Variants in PRDM4 observed in about 807,000 individuals in gnomAD.
The protein encoded by PRDM4 is PR domain zinc finger protein 4.
In PRDM4, 38 loss-of-function variants were observed where a neutral mutation model predicts 62.3. The ratio of observed to expected loss-of-function variants is 0.61; its 90% CI spans 0.47 to 0.80. The LOEUF (loss-of-function observed/expected upper bound fraction) is 0.80. Ranked by LOEUF, PRDM4 falls within the 30% of genes least tolerant of loss-of-function variation. The pLI, the probability that PRDM4 is intolerant of heterozygous loss-of-function variation, is 0.00. For synonymous variants in PRDM4, 339 were observed against 348.2 expected, an observed-to-expected ratio of 0.97 and a Z score of 0.30; for missense variants, 858 against 997.1, an observed-to-expected ratio of 0.86 and a Z score of 1.88.
Position 107,744,617 on chromosome 12 carries a change from G to A in PRDM4, c.1321C>T (p.Pro441Ser). ...ETIPVRTCFG[P>S]LIGQQSHSME... The stretch of plus-strand genomic sequence containing the variant: ...GAGTGACTCTGCTGGCCAATTAGAG[G>A]TCCAAAGCAAGTCCGCACAGGAATG... Residue 441 changes from proline to serine, a missense_variant, in exon 7 of 12, where the codon CCT (proline) becomes TCT (serine). This residue lies in a region of PRDM4 where 4 missense variants were observed against 17.8 expected (regional missense o/e 0.23). Coordinates refer to ENST00000228437, the MANE Select transcript of PRDM4 (RefSeq NM_012406.4). 6.2e-7 allele frequency: 1 copy of A among 1,613,836 alleles called. No individual in the cohort carries two copies. The highest frequency in any genetic ancestry group is 8.5e-7 in the Non-Finnish European group (1 of 1,179,782).
chr12:107,744,575 A>G lies in PRDM4; in HGVS notation c.1363T>C (p.Trp455Arg). The change falls in exon 7 of 12, where the codon TGG becomes CGG. Residue 455 changes from tryptophan to arginine, a missense_variant. Physicochemically the swap from Trp to Arg is moderately radical, Grantham distance 101. Coordinates refer to ENST00000228437, the MANE Select transcript of PRDM4 (RefSeq NM_012406.4). ...ATATGGTTAACTGCCTTGTCTGTCCATTCTGCTACTTCCATGGAGTGACTC... is the reference window on the plus strand; with the variant it reads ...ATATGGTTAACTGCCTTGTCTGTCCGTTCTGCTACTTCCATGGAGTGACTC... Reference protein sequence around the residue: ...QQSHSMEVAEWTDKAVNHIWK... With the variant: ...QQSHSMEVAERTDKAVNHIWK... 1 of 1,613,830 alleles carries G rather than the reference A, an allele frequency of 6.2e-7. No homozygotes were observed. Among genetic ancestry groups the G allele is most frequent in the South Asian group, 1.1e-5 (1 of 91,078 alleles).
rs747002627 is a variant in PRDM4 at position 107,734,230 on chromosome 12, A to T, written c.2386T>A (p.Ser796Thr). 1 of 1,598,378 alleles carries T rather than the reference A, an allele frequency of 6.3e-7. No individual in the cohort carries two copies. Among genetic ancestry groups the T allele is most frequent in the East Asian group, 2.2e-5 (1 of 44,662 alleles). Residue 796 changes from serine (S) to threonine (T), a missense_variant, in exon 12 of 12, where the codon TCT (serine) becomes ACT (threonine). Physicochemically the swap from Ser to Thr is moderately conservative, Grantham distance 58. This residue lies in a region of PRDM4 where 355 missense variants were observed against 432.6 expected (regional missense o/e 0.82). Transcript: ENST00000228437. ...INSAVYSADE[S>T]LSAHK is the part of the protein sequence containing the mutation. ...TCCTTTTATTTATGTGCAGAAAGAGACTCATCCGCTGAATACACAGCACTG... is the reference window on the plus strand; with the variant it reads ...TCCTTTTATTTATGTGCAGAAAGAGTCTCATCCGCTGAATACACAGCACTG...
chr12:107,753,201 A>G (rs1890953882), intron 4 of PRDM4, among the ~76,000 whole-genome samples: 8 of 152,036 alleles, frequency 5.3e-5, no homozygotes, highest in Admixed American at 5.2e-4. Flanking sequence ...CCAAAACCCC[A>G]TCTCTTTTTT....
At chr12:107,750,189 G>A (rs1343682579) in intron 5 of PRDM4, among the ~76,000 whole-genome samples, 1 of 152,152 alleles carries the variant, frequency 6.6e-6, no homozygotes, top group Non-Finnish European at 1.5e-5. Flanking sequence ...TTAAAGGTAT[G>A]TACACATACT....
chr12:107,740,818 T>C (rs1890493443), intron 10 of PRDM4, 128 bp downstream of exon 10: 1 of 974,842 alleles, frequency 1.0e-6, no homozygotes, highest in Admixed American at 2.8e-5. Flanking sequence ...GGAATCTCAG[T>C]TAAACCACGA....
At chr12:107,735,182 C>T (rs1158299089) in intron 11 of PRDM4, among the ~76,000 whole-genome samples, 1 of 152,054 alleles carries the variant, frequency 6.6e-6, no homozygotes, top group African/African-American at 2.4e-5. Flanking sequence ...CATTTTTATA[C>T]TTGTATGGTG....
At chr12:107,734,820 G>GT (rs1235793659) in intron 11 of PRDM4, among the ~76,000 whole-genome samples, 5 of 152,172 alleles carry the variant, frequency 3.3e-5, no homozygotes, top group African/African-American at 7.2e-5. Flanking sequence ...TCAAGCTGCT[G>GT]TATCAGTTGT....
At chr12:107,755,261 ATT>A (rs754256246) in intron 3 of PRDM4, among the ~76,000 whole-genome samples, 1 of 146,324 alleles carries the variant, frequency 6.8e-6, no homozygotes, top group Admixed American at 6.8e-5. Context: ...TGCGCTGCTA[ATT>A]TTTTTTTTTT....
Position 107,734,340 on chromosome 12 carries a change from G to A in PRDM4, c.2276C>T (p.Ser759Leu), listed in dbSNP as rs148191921. 16 of 1,614,032 alleles carry A rather than the reference G, an allele frequency of 9.9e-6. No homozygotes were observed. The highest frequency in any genetic ancestry group is 9.3e-5 in the African/African-American group (7 of 74,918). ...LKTCKGPTSS[S>L]SAPEEEEEDD... ...CTCTTCTTCCTCCTCTGGTGCTGAC[G>A]AACTGGAGGTGGGCCCTTTGCAGGT... is the stretch of plus-strand genomic sequence containing the variant. The change falls in exon 12 of 12, where the codon TCG (serine) becomes TTG (leucine). Residue 759 changes from serine (S) to leucine (L), a missense_variant. Around this residue, in one of 3 missense-constraint regions of PRDM4, gnomAD observed 355 missense variants for 432.6 expected, o/e 0.82. Coordinates refer to ENST00000228437, the MANE Select transcript of PRDM4 (RefSeq NM_012406.4).
chr12:107,743,446 T>G (rs908368318), intron 7 of PRDM4, among the ~76,000 whole-genome samples, 164 bp from the exon 8 acceptor site: 2 of 152,234 alleles, frequency 1.3e-5, no homozygotes, highest in African/African-American at 4.8e-5. Flanking sequence ...CATTTCAACA[T>G]TCTCCCTATT....
At chr12:107,758,945 C>T (rs976213153) in intron 2 of PRDM4, among the ~76,000 whole-genome samples, 3 of 152,304 alleles carry the variant, frequency 2.0e-5, no homozygotes, top group Non-Finnish European at 4.4e-5. Flanking sequence ...TTATGAAGAA[C>T]AGCATGCTAA....
At chr12:107,744,727 T>C in intron 6 of PRDM4, 66 bp from the exon 7 acceptor site, 1 of 1,580,370 alleles carries the variant, frequency 6.3e-7, no homozygotes, top group East Asian at 2.3e-5. Context: ...AAGAAAGAGG[T>C]GCTTCACCCA....
chr12:107,756,553 T>C (rs1021385685), intron 3 of PRDM4, among the ~76,000 whole-genome samples: 5 of 152,142 alleles, frequency 3.3e-5, no homozygotes, highest in African/African-American at 9.7e-5. Flanking sequence ...CAGCCCTAAA[T>C]AAAATGCCAA....
At chr12:107,748,506 A>C (rs1890790062) in intron 5 of PRDM4, among the ~76,000 whole-genome samples, 1 of 152,246 alleles carries the variant, frequency 6.6e-6, no homozygotes, top group Admixed American at 6.5e-5. Context: ...CTAAAAAGAA[A>C]TGAAGTACAA....
rs190567252 is a variant in PRDM4, at chr12:107,760,941, C to T, written c.-257+16G>A. The stretch of plus-strand genomic sequence containing the variant: ...CGCGCCCCGCCCCGCTCCGGCCGGG[C>T]CCGCGCGCAGCCCACCTGCCAGCTG... On this transcript the variant is annotated intron_variant, in intron 1 of 11. Coordinates refer to ENST00000228437, the MANE Select transcript of PRDM4 (RefSeq NM_012406.4). The T allele has an allele frequency of 3.6e-3, 529 of 146,014 alleles. 1 individual carries two copies. Among genetic ancestry groups the T allele is most frequent in the South Asian group, 0.011 (49 of 4,560 alleles). 9.0% of individuals were successfully genotyped at this position (146,014 alleles called of 1,614,324 possible).
intron 9 of PRDM4, among the ~76,000 whole-genome samples, chr12:107,741,905 C>T (rs984153163): frequency 3.3e-5 from 5 of 152,114 alleles, no homozygotes; most frequent in East Asian, 3.9e-4. Context: ...TAAATCAAAC[C>T]GAGGGACTTC....
At chr12:107,741,640 C>G (rs1746369651) in intron 9 of PRDM4, among the ~76,000 whole-genome samples, 1 of 152,120 alleles carries the variant, frequency 6.6e-6, no homozygotes, top group Non-Finnish European at 1.5e-5. Context: ...ACTGCTTGAG[C>G]CCAGGAGTTG....
At position 107,734,097 on chromosome 12, in the gene PRDM4, C is replaced by T. The variant is rs1260109452; in HGVS notation, c.*113G>A. 2.8e-5 allele frequency: 31 copies of T among 1,117,928 alleles called. No individual in the cohort carries two copies. The highest frequency in any genetic ancestry group is 3.8e-5 in the Non-Finnish European group (30 of 791,560). 69.3% of individuals were successfully genotyped at this position (1,117,928 alleles called of 1,614,324 possible). On this transcript the variant is annotated 3_prime_UTR_variant, in exon 12 of 12. Coordinates refer to ENST00000228437, the MANE Select transcript of PRDM4 (RefSeq NM_012406.4). The stretch of plus-strand genomic sequence containing the variant: ...ATTCATTCCCAGTCTGTTTTGATTA[C>T]TGGCTGAAAATAAATCAGGAACCAT...
Position 107,760,502 on chromosome 12 carries a change from C to T in PRDM4, c.11+3G>A. ...CAGTGCTGAAGCCCACCTCCCTACTCACCTGTGATGCATCGGCTTGGGGCC... is the reference window on the plus strand; with the variant it reads ...CAGTGCTGAAGCCCACCTCCCTACTTACCTGTGATGCATCGGCTTGGGGCC... On this transcript the variant is annotated splice_donor_region_variant and intron_variant, in intron 2 of 11. Coordinates refer to ENST00000228437, the MANE Select transcript of PRDM4 (RefSeq NM_012406.4). 1 of 1,613,600 alleles carries T rather than the reference C, an allele frequency of 6.2e-7. No homozygotes were observed. Among genetic ancestry groups the T allele is most frequent in the Non-Finnish European group, 8.5e-7 (1 of 1,179,780 alleles).
Sources: allele counts gnomAD v4.1 joint callset (sites outside exome capture counted in the v4.1 genomes callset), GRCh38; gene constraint gnomAD v4.1.1; regional missense constraint gnomAD v4.1.1; transcripts MANE v1.5; gene names NCBI Gene and HGNC (gene_info 2026-07-23, HGNC 2026-07-21).